CSMD2: variants seen among roughly 807,000 people sequenced by gnomAD.
CSMD2 encodes CUB and sushi domain-containing protein 2.
A neutral mutation model predicts 398.5 loss-of-function variants in CSMD2; 130 were observed. That is an observed-to-expected ratio of 0.33 (90% confidence interval 0.28 to 0.38). The LOEUF (loss-of-function observed/expected upper bound fraction) is 0.38, where lower values mean the gene tolerates loss of function less well. CSMD2 is among the 10% of genes least tolerant of loss of function. The pLI is 1.00. For missense variants in CSMD2, 3,829 were observed against 4,764.9 expected, an observed-to-expected ratio of 0.80 and a Z score of 5.78; for synonymous variants, 1,828 against 1,908.5, an observed-to-expected ratio of 0.96 and a Z score of 1.10.
intron 62 of CSMD2, among the ~76,000 whole-genome samples, chr1:33,535,570 A>T (rs553812503): frequency 2.0e-5 from 3 of 152,326 alleles, no homozygotes; most frequent in East Asian, 3.9e-4. Flanking sequence ...TGACATGTGC[A>T]AGAGTGCCTC....
At chr1:33,554,185 C>CTT (rs397860875) in intron 55 of CSMD2, among the ~76,000 whole-genome samples, 2,347 of 74,382 alleles carry the variant, frequency 0.032, 113 homozygotes, top group African/African-American at 0.084. Flanking sequence ...AAAAAACAGC[C>CTT]TTTTTTTTTT....
At chr1:34,024,964 A>C (rs1434569365) in intron 3 of CSMD2, among the ~76,000 whole-genome samples, 1 of 152,150 alleles carries the variant, frequency 6.6e-6, no homozygotes, top group Non-Finnish European at 1.5e-5. Context: ...AAACCAGGAA[A>C]GGCCCATTTC....
intron 3 of CSMD2, among the ~76,000 whole-genome samples, chr1:33,965,519 C>T (rs10799012): frequency 0.067 from 10,251 of 152,188 alleles, 825 homozygotes; most frequent in East Asian, 0.37. Context: ...CCTTGTGCCT[C>T]GGCTTGATGC....
chr1:33,920,601 A>G (rs1016397552), intron 4 of CSMD2, among the ~76,000 whole-genome samples: 1 of 150,234 alleles, frequency 6.7e-6, no homozygotes, highest in Non-Finnish European at 1.5e-5. Context: ...AAGAAGGAGG[A>G]AAGTGGCAGG....
At chr1:33,886,586 G>T (rs772940282) in intron 5 of CSMD2, among the ~76,000 whole-genome samples, 1 of 152,170 alleles carries the variant, frequency 6.6e-6, no homozygotes, top group Non-Finnish European at 1.5e-5. Context: ...TTGTTCCTCT[G>T]CCCCAGCACA....
chr1:33,946,956 GA>G (rs1415570305), intron 3 of CSMD2, among the ~76,000 whole-genome samples: 1 of 152,120 alleles, frequency 6.6e-6, no homozygotes, highest in African/African-American at 2.4e-5. Flanking sequence ...TTTATAGCAG[GA>G]TAGGTTTTCT....
intron 9 of CSMD2, among the ~76,000 whole-genome samples, chr1:33,818,333 C>A (rs773271711): frequency 6.6e-6 from 1 of 152,184 alleles, no homozygotes; most frequent in Non-Finnish European, 1.5e-5. Context: ...CTACATGCCA[C>A]GCCCCATTTT....
At chr1:33,944,119 C>T (rs867623700) in intron 3 of CSMD2, among the ~76,000 whole-genome samples, 14 of 152,060 alleles carry the variant, frequency 9.2e-5, no homozygotes, top group African/African-American at 3.4e-4. Context: ...TCTAACCAAA[C>T]TTTAGTTATA....
chr1:33,928,905 G>C (rs1206456297), intron 4 of CSMD2, among the ~76,000 whole-genome samples: 1 of 152,170 alleles, frequency 6.6e-6, no homozygotes, highest in Non-Finnish European at 1.5e-5. Flanking sequence ...TATCTACAGT[G>C]TTGCCCTCTT....
chr1:33,954,289 A>C (rs978513824), intron 3 of CSMD2, among the ~76,000 whole-genome samples: 1 of 152,078 alleles, frequency 6.6e-6, no homozygotes, highest in East Asian at 1.9e-4. Context: ...AAACCCCTAA[A>C]CTTGACTGCC....
intron 33 of CSMD2, among the ~76,000 whole-genome samples, 198 bp from the exon 34 acceptor site, chr1:33,625,452 A>G (rs1642057893): frequency 6.6e-6 from 1 of 152,212 alleles, no homozygotes. Context: ...ACAGCGCTAC[A>G]GCACAGCTCC....
At chr1:33,664,833 A>C (rs956186766) in intron 25 of CSMD2, among the ~76,000 whole-genome samples, 1 of 151,962 alleles carries the variant, frequency 6.6e-6, no homozygotes, top group African/African-American at 2.4e-5. Flanking sequence ...ATAAAAAGAA[A>C]ATAAAATAAA....
intron 25 of CSMD2, among the ~76,000 whole-genome samples, chr1:33,681,606 A>T (rs1305525210): frequency 6.6e-6 from 1 of 152,204 alleles, no homozygotes; most frequent in Non-Finnish European, 1.5e-5. Flanking sequence ...TTGGCTAAAA[A>T]TTGTATGTCT....
intron 5 of CSMD2, among the ~76,000 whole-genome samples, chr1:33,875,987 G>C (rs1640813195): frequency 6.6e-6 from 1 of 152,192 alleles, no homozygotes; most frequent in Non-Finnish European, 1.5e-5. Context: ...CAAGGTCTAG[G>C]TGTAGGTGCC....
At chr1:33,783,127 C>T (rs997967234) in intron 12 of CSMD2, among the ~76,000 whole-genome samples, 11 of 151,878 alleles carry the variant, frequency 7.2e-5, no homozygotes, top group Admixed American at 5.9e-4. Context: ...AAGGAGGAGG[C>T]GGAGATGAGG....
At chr1:33,962,915 C>A (rs1645417257) in intron 3 of CSMD2, among the ~76,000 whole-genome samples, 1 of 152,214 alleles carries the variant, frequency 6.6e-6, no homozygotes, top group African/African-American at 2.4e-5. Flanking sequence ...GGAATGCAAA[C>A]TCATGAAGGA....
chr1:33,848,804 T>C (rs1352502852), intron 5 of CSMD2, among the ~76,000 whole-genome samples: 2 of 113,830 alleles, frequency 1.8e-5, no homozygotes, highest in African/African-American at 3.6e-5. Context: ...CACAAACGTA[T>C]TGTGGGTTTT....
chr1:34,058,382 AATGATGATGATG>A (rs200658116), intron 2 of CSMD2, among the ~76,000 whole-genome samples: 1 of 151,952 alleles, frequency 6.6e-6, no homozygotes, highest in Non-Finnish European at 1.5e-5. Flanking sequence ...AAGGGCTTGA[AATGATGATGATG>A]ATGATGATGA....
At chr1:33,669,779 CTG>C (rs1644431782) in intron 25 of CSMD2, among the ~76,000 whole-genome samples, 1 of 151,946 alleles carries the variant, frequency 6.6e-6, no homozygotes, top group African/African-American at 2.4e-5. Context: ...AATCCAATGA[CTG>C]ATATCGTAAG....
Sources: gnomAD v4.1 joint callset for allele counts (sites outside exome capture counted in the v4.1 genomes callset) on GRCh38, gnomAD v4.1.1 for gene constraint, MANE v1.5 for transcripts, NCBI Gene and HGNC (gene_info 2026-07-23, HGNC 2026-07-21) for gene names.